SMARCB1: variants seen among roughly 807,000 people sequenced by gnomAD.
SMARCB1 encodes the protein SWI/SNF-related matrix-associated actin-dependent regulator of chromatin subfamily B member 1.
SMARCB1 carries 5 observed loss-of-function variants against 49.0 expected under a neutral mutation model. That is an observed-to-expected ratio of 0.10 (90% confidence interval 0.05 to 0.21). The LOEUF is 0.21. Ranked by LOEUF, SMARCB1 falls within the 10% of genes least tolerant of loss-of-function variation. SMARCB1 has a pLI of 1.00. For missense variants in SMARCB1, 226 were observed against 509.2 expected (o/e 0.44, Z 5.35); for synonymous variants, 201 against 200.1 (o/e 1.00, Z -0.04).
chr22:23,830,344 A>G (rs2030589005), intron 7 of SMARCB1, among the ~76,000 whole-genome samples: 1 of 152,136 alleles, frequency 6.6e-6, no homozygotes, highest in African/African-American at 2.4e-5. Context: ...TAGCCGTCTG[A>G]GGAGGTGTGA....
At position 23,830,747 on chromosome 22, in the gene SMARCB1, C is replaced by T. The variant is rs188128245; in HGVS notation, c.987-2825C>T. Among the ~76,000 whole-genome samples the T allele has an allele frequency of 4.9e-3, 713 of 144,944 alleles. 19 individuals are homozygous for T. In the South Asian group the frequency reaches 0.081, roughly 17 times the overall value. On this transcript the variant is annotated intron_variant, in intron 7 of 8. Transcript: ENST00000644036. ...TGTGATCTTGGCTCACTGCATCCTC[C>T]GCCTCCTGAGTTCAAGTGATTCTCC...
intron 7 of SMARCB1, among the ~76,000 whole-genome samples, chr22:23,827,076 G>C (rs2030421730): frequency 6.6e-6 from 1 of 152,218 alleles, no homozygotes; most frequent in Non-Finnish European, 1.5e-5. Flanking sequence ...CCCTCCACCA[G>C]AGTTGACTCT....
rs1191957811 is a variant in SMARCB1 at position 23,835,067 on chromosome 22, T to TA, written c.*887_*888insA. The TA allele has an allele frequency of 7.2e-7, 1 of 1,397,672 alleles. No homozygotes were observed. The highest frequency in any genetic ancestry group is 1.5e-5 in the African/African-American group (1 of 67,854). 86.6% of individuals were successfully genotyped at this position (1,397,672 alleles called of 1,614,324 possible). On this transcript the variant is annotated 3_prime_UTR_variant, in exon 9 of 9. Coordinates refer to ENST00000644036, the MANE Select transcript of SMARCB1 (RefSeq NM_003073.5). The stretch of plus-strand genomic sequence containing the variant: ...TCCCACCCCAGCAGGTGCTGTGGCC[T>TA]GGGCCAGCTCCTGCCTTACAAGCCA...
chr22:23,819,490 A>G (rs570441339), intron 6 of SMARCB1, among the ~76,000 whole-genome samples: 12 of 151,970 alleles, frequency 7.9e-5, no homozygotes, highest in Non-Finnish European at 1.6e-4. Flanking sequence ...CACCATGCCC[A>G]GCTAATTTTT....
At chr22:23,824,969 A>T in intron 6 of SMARCB1, 1 of 564,738 alleles carries the variant, frequency 1.8e-6, no homozygotes, top group Non-Finnish European at 3.2e-6. Context: ...GGTGGGACTC[A>T]GGTGCCCCCG....
chr22:23,827,740 C>T (rs919576101), intron 7 of SMARCB1, among the ~76,000 whole-genome samples: 4 of 152,064 alleles, frequency 2.6e-5, no homozygotes, highest in Admixed American at 1.3e-4. Flanking sequence ...AGGAGGGCTG[C>T]GTGTGTCTTC....
At chr22:23,787,908 C>T (rs1476525056) in intron 1 of SMARCB1, among the ~76,000 whole-genome samples, 1 of 152,156 alleles carries the variant, frequency 6.6e-6, no homozygotes, top group Non-Finnish European at 1.5e-5. Flanking sequence ...TGAATTATTA[C>T]AGGGGAAAGA....
intron 3 of SMARCB1, among the ~76,000 whole-genome samples, chr22:23,795,430 C>T (rs1036092773): frequency 7.2e-5 from 11 of 152,130 alleles, no homozygotes; most frequent in Non-Finnish European, 1.6e-4. Flanking sequence ...CCGAGGCGGG[C>T]GGATCACCTG....
At chr22:23,798,887 A>G (rs567338871) in intron 3 of SMARCB1, among the ~76,000 whole-genome samples, 2 of 152,046 alleles carry the variant, frequency 1.3e-5, no homozygotes, top group South Asian at 2.1e-4. Context: ...CGTCTCTACT[A>G]AAAATCAAAA....
chr22:23,794,350 GC>G (rs1478679301), intron 3 of SMARCB1, among the ~76,000 whole-genome samples: 3 of 152,200 alleles, frequency 2.0e-5, no homozygotes, highest in African/African-American at 7.2e-5. Flanking sequence ...AGAAACGTAA[GC>G]CAAGTCCTGG....
At chr22:23,803,508 C>T in intron 5 of SMARCB1, 86 bp downstream of exon 5, 1 of 1,515,456 alleles carries the variant, frequency 6.6e-7, no homozygotes, top group Non-Finnish European at 9.1e-7. Context: ...AGCTGCCTGT[C>T]AGGCAGATTC....
chr22:23,836,649 A>G lies in SMARCB1; in HGVS notation c.*2469A>G. On this transcript the variant is annotated 3_prime_UTR_variant, in exon 9 of 9. Coordinates refer to ENST00000644036, the MANE Select transcript of SMARCB1 (RefSeq NM_003073.5). ...TATCCTACCACCTGCAGTTGGGCTG[A>G]GAGGCCACACTGAGTGAGGACGGGG... 8.0e-7 allele frequency: 1 copy of G among 1,250,532 alleles called. No homozygotes were observed. Among genetic ancestry groups the G allele is most frequent in the South Asian group, 3.5e-5 (1 of 28,252 alleles). The allele number at this position is 1,250,532 out of a possible 1,614,324, so 77.5% of individuals were successfully genotyped here.
chr22:23,810,584 C>T (rs140742597), intron 5 of SMARCB1, among the ~76,000 whole-genome samples: 279 of 144,400 alleles, frequency 1.9e-3, no homozygotes, highest in Non-Finnish European at 3.1e-3. Flanking sequence ...AACATTGAGA[C>T]ATCAGGAAGG....
At position 23,801,689 on chromosome 22, in the gene SMARCB1, G is replaced by C. The variant is rs146834480; in HGVS notation, c.500+608G>C. On this transcript the variant is annotated intron_variant, in intron 4 of 8. Coordinates refer to ENST00000644036, the MANE Select transcript of SMARCB1 (RefSeq NM_003073.5). ...GGCCTTCTCTGCATGAAACTTCCCT[G>C]TCTCTCTCTTAGAAGGACACTTGGC... is the stretch of plus-strand genomic sequence containing the variant. 677 of 292,510 alleles carry C rather than the reference G, an allele frequency of 2.3e-3. 2 individuals are homozygous for C. The highest frequency in any genetic ancestry group is 3.5e-3 in the Admixed American group (75 of 21,228). 18.1% of individuals were successfully genotyped at this position (292,510 alleles called of 1,614,324 possible).
intron 5 of SMARCB1, among the ~76,000 whole-genome samples, chr22:23,807,730 T>G (rs1929582460): frequency 6.6e-6 from 1 of 150,746 alleles, no homozygotes; most frequent in African/African-American, 2.4e-5. Context: ...TTGAGAGCAA[T>G]CAGAGAAAAA....
rs1024466715 is a variant in SMARCB1 at position 23,800,095 on chromosome 22, C to T, written c.363-849C>T. ...CCATCCGCCTTGGCCTCCCAAAGTG[C>T]TGGGATTACAGGCGTGAGCCACCGC... is the stretch of plus-strand genomic sequence containing the variant. On this transcript the variant is annotated intron_variant, in intron 3 of 8. Transcript: ENST00000644036. Among the ~76,000 whole-genome samples the T allele has an allele frequency of 5.9e-5, 9 of 152,216 alleles. 1 individual carries two copies. Among genetic ancestry groups the T allele is most frequent in the African/African-American group, 2.2e-4 (9 of 41,458 alleles).
At chr22:23,825,503 G>C in intron 7 of SMARCB1, 88 bp downstream of exon 7, 1 of 1,213,148 alleles carries the variant, frequency 8.2e-7, no homozygotes, top group Non-Finnish European at 1.2e-6. Context: ...TGATACCTTT[G>C]AGGCTTTCTC....
intron 5 of SMARCB1, among the ~76,000 whole-genome samples, chr22:23,810,947 T>G (rs1010691311): frequency 8.7e-5 from 13 of 149,824 alleles, no homozygotes; most frequent in Non-Finnish European, 1.5e-4. Flanking sequence ...GTGGCAGGGA[T>G]AATTGCTTGA....
At chr22:23,810,362 TA>T (rs1232439837) in intron 5 of SMARCB1, among the ~76,000 whole-genome samples, 1 of 150,070 alleles carries the variant, frequency 6.7e-6, no homozygotes, top group Non-Finnish European at 1.5e-5. Context: ...CCATCTCTAC[TA>T]AAAATACAAA....
Sources: gnomAD v4.1 joint callset for allele counts (sites outside exome capture counted in the v4.1 genomes callset) on GRCh38, gnomAD v4.1.1 for gene constraint, MANE v1.5 for transcripts, NCBI Gene and HGNC (gene_info 2026-07-23, HGNC 2026-07-21) for gene names.